PCDHGB1: variants seen among roughly 807,000 people sequenced by gnomAD.
The protein encoded by PCDHGB1 is protocadherin gamma-B1.
A neutral mutation model predicts 56.6 loss-of-function variants in PCDHGB1; 34 were observed. The observed-to-expected ratio is 0.60, with a 90% CI of 0.46 to 0.80. PCDHGB1 has a LOEUF of 0.80. Among genes scored for constraint, PCDHGB1 ranks in the 30% least tolerant of loss-of-function variants. PCDHGB1 has a pLI of 0.00. For synonymous variants in PCDHGB1, 561 were observed against 505.9 expected (o/e 1.11, Z -1.46); for missense variants, 1,278 against 1,204.6 (o/e 1.06, Z -0.90).
At chr5:141,459,945 G>T (rs113794146) in intron 1 of PCDHGB1, among the ~76,000 whole-genome samples, 54 of 152,164 alleles carry the variant, frequency 3.5e-4, no homozygotes, top group Middle Eastern at 3.2e-3. Flanking sequence ...GGGCGTGATG[G>T]CAGGTGCCTG....
Position 141,477,071 on chromosome 5 carries a change from G to T in PCDHGB1, c.2410-17736G>T. 6.2e-7 allele frequency: 1 copy of T among 1,614,226 alleles called. No individual in the cohort carries two copies. The highest frequency in any genetic ancestry group is 8.5e-7 in the Non-Finnish European group (1 of 1,180,030). ...GGACTTCGAGGACACCAAACTCCAT[G>T]AGATTTACATCCAGGCCAAAGACAA... is the stretch of plus-strand genomic sequence containing the variant. On this transcript the variant is annotated intron_variant, in intron 1 of 3. Coordinates refer to ENST00000523390, the MANE Select transcript of PCDHGB1 (RefSeq NM_018922.3). This position sits in a 1 kb window ranked among gnomAD's most constrained non-coding sequence, Gnocchi z 4.9.
chr5:141,421,051 A>G (rs1330155141), intron 1 of PCDHGB1: 8 of 559,830 alleles, frequency 1.4e-5, no homozygotes, highest in South Asian at 2.6e-5. Flanking sequence ...CCCCGCCTCT[A>G]CCACACAAAG....
At chr5:141,380,666 A>G (rs1338427097) in intron 1 of PCDHGB1, among the ~76,000 whole-genome samples, 1 of 152,250 alleles carries the variant, frequency 6.6e-6, no homozygotes, top group African/African-American at 2.4e-5. Flanking sequence ...CATTTACTCC[A>G]TAGGGTATGT....
At chr5:141,488,359 T>A (rs1262194591) in intron 1 of PCDHGB1, among the ~76,000 whole-genome samples, 1 of 152,198 alleles carries the variant, frequency 6.6e-6, no homozygotes, top group Non-Finnish European at 1.5e-5. Context: ...ACCCTGTGCA[T>A]CTTTAAGTTG....
At chr5:141,498,194 T>C (rs1014641829) in intron 2 of PCDHGB1, among the ~76,000 whole-genome samples, 16 of 152,254 alleles carry the variant, frequency 1.1e-4, no homozygotes, top group African/African-American at 3.6e-4. Context: ...ATTAACCAGC[T>C]AAAGAAAAGA....
At chr5:141,479,740 C>T (rs1434967266) in intron 1 of PCDHGB1, 1 of 152,168 alleles carries the variant, frequency 6.6e-6, no homozygotes, top group Non-Finnish European at 1.5e-5. Context: ...AGTATATGCA[C>T]AATGTGAAAG....
intron 1 of PCDHGB1, chr5:141,365,145 G>C (rs754518751): frequency 6.2e-7 from 1 of 1,613,864 alleles, no homozygotes; most frequent in Admixed American, 1.7e-5. Context: ...CCAGATGAGG[G>C]AATAAACGGG....
In PCDHGB1 at chr5:141,360,351, G is replaced by A. The variant is rs188525608; in HGVS notation, c.2409+7682G>A. 7 of 1,613,876 alleles carry A rather than the reference G, an allele frequency of 4.3e-6. No individual in the cohort carries two copies. In the East Asian group the frequency reaches 1.6e-4, roughly 36 times the overall value. Reference sequence around the variant, plus strand: ...GGAAGCTGCGGGTTAGCGCGGAGAAGGAATATTTCACAGTAAACCCAGAAA... The same window carrying A: ...GGAAGCTGCGGGTTAGCGCGGAGAAAGAATATTTCACAGTAAACCCAGAAA... On this transcript the variant is annotated intron_variant, in intron 1 of 3. Transcript: ENST00000523390.
Position 141,370,276 on chromosome 5 carries a change from C to G in PCDHGB1, c.2409+17607C>G, listed in dbSNP as rs1259059865. The G allele has an allele frequency of 3.6e-6, 3 of 839,228 alleles. No homozygotes were observed. The African/African-American group carries it at 5.1e-5, about 14-fold the overall frequency. 52.0% of individuals were successfully genotyped at this position (839,228 alleles called of 1,614,324 possible). ...ATCAGGCTTCCTGCAGCGGAGACAC[C>G]CATTAGAGAACCCAAGCACAAAGAC... On this transcript the variant is annotated intron_variant, in intron 1 of 3. Coordinates refer to ENST00000523390, the MANE Select transcript of PCDHGB1 (RefSeq NM_018922.3).
intron 1 of PCDHGB1, chr5:141,389,485 A>G (rs2091790696): frequency 1.2e-6 from 2 of 1,612,936 alleles, no homozygotes; most frequent in Non-Finnish European, 1.7e-6. Flanking sequence ...CAGGCCCGCG[A>G]CCAGGGCTCG....
In PCDHGB1 at chr5:141,485,848, C is replaced by A; in HGVS notation, c.2410-8959C>A. The stretch of plus-strand genomic sequence containing the variant: ...GAGGGAACCCGCCGAGATCTGGCAC[C>A]GCAGAGCTCCGGGTATCCGTGCTGG... On this transcript the variant is annotated intron_variant, in intron 1 of 3. Transcript: ENST00000523390. This position sits in a 1 kb window ranked among gnomAD's most constrained non-coding sequence, Gnocchi z 5.7. 1 of 1,614,192 alleles carries A rather than the reference C, an allele frequency of 6.2e-7. No homozygotes were observed. The highest frequency in any genetic ancestry group is 8.5e-7 in the Non-Finnish European group (1 of 1,180,020).
chr5:141,375,114 T>G, intron 1 of PCDHGB1: 1 of 1,613,970 alleles, frequency 6.2e-7, no homozygotes, highest in African/African-American at 1.3e-5. Context: ...AATGATAATG[T>G]ACCAGAAGTG....
At chr5:141,449,273 C>T (rs1168190907) in intron 1 of PCDHGB1, among the ~76,000 whole-genome samples, 1 of 151,982 alleles carries the variant, frequency 6.6e-6, no homozygotes, top group Non-Finnish European at 1.5e-5. Flanking sequence ...ACTGTATCTC[C>T]TTCACCCGGA....
intron 1 of PCDHGB1, chr5:141,396,416 C>T (rs1336875388): frequency 6.6e-6 from 1 of 152,140 alleles, no homozygotes; most frequent in Non-Finnish European, 1.5e-5. Flanking sequence ...GTCAGGAGTT[C>T]AAGATCAGCC....
chr5:141,366,172 A>C lies in PCDHGB1; in HGVS notation c.2409+13503A>C, dbSNP rs559505576. On this transcript the variant is annotated intron_variant, in intron 1 of 3. Transcript: ENST00000523390. The stretch of plus-strand genomic sequence containing the variant: ...ACCGCCTGCTTAAGGCCAGCGAGCC[A>C]GGACTCTTTGCGGTTGGGCTGCACA... The C allele has an allele frequency of 2.6e-5, 42 of 1,613,958 alleles. No homozygotes were observed. The Admixed American group carries it at 7.0e-4, about 27-fold the overall frequency.
intron 1 of PCDHGB1, chr5:141,421,459 G>T: frequency 6.2e-7 from 1 of 1,614,142 alleles, no homozygotes; most frequent in South Asian, 1.1e-5. Context: ...GCTTTTCGCT[G>T]TGAATCCGCG....
chr5:141,390,388 G>A, intron 1 of PCDHGB1: 1 of 1,423,474 alleles, frequency 7.0e-7, no homozygotes, highest in African/African-American at 1.4e-5. Flanking sequence ...TAGATGTCAT[G>A]GATCATTTTA....
intron 1 of PCDHGB1, chr5:141,408,105 G>T (rs566753835): frequency 2.6e-5 from 37 of 1,439,788 alleles, no homozygotes; most frequent in Non-Finnish European, 3.2e-5. Flanking sequence ...TCCGAGACCC[G>T]GGACTCCTCC....
At chr5:141,381,798 C>CTCTTTCTTTCTTTCTTTCTTTCTT (rs372235829) in intron 1 of PCDHGB1, among the ~76,000 whole-genome samples, 8 of 144,168 alleles carry the variant, frequency 5.5e-5, no homozygotes, top group African/African-American at 1.9e-4. Flanking sequence ...AGGCAATTCC[C>CTCTTTCTTTCTTTCTTTCTTTCTT]TCTTTCTTTC....
Sources: allele counts gnomAD v4.1 joint callset (sites outside exome capture counted in the v4.1 genomes callset), GRCh38; gene constraint gnomAD v4.1.1; non-coding constraint Gnocchi (gnomAD v3.1); transcripts MANE v1.5; gene names NCBI Gene and HGNC (gene_info 2026-07-23, HGNC 2026-07-21).